TLN2: variants seen among roughly 807,000 people sequenced by gnomAD.
TLN2 encodes the protein talin 2, also known as talin-2.
A neutral mutation model predicts 294.7 loss-of-function variants in TLN2; 118 were observed. The observed-to-expected ratio is 0.40, with a 90% CI of 0.34 to 0.47. TLN2 has a LOEUF of 0.47. Among genes scored for constraint, TLN2 ranks in the 20% least tolerant of loss-of-function variants. The probability of loss-of-function intolerance (pLI) is 0.84; values close to 1 mark genes in which losing one functional copy is unlikely to be tolerated. For missense variants in TLN2, 3,083 were observed against 3,282.2 expected, an observed-to-expected ratio of 0.94 and a Z score of 1.48; for synonymous variants, 1,431 against 1,304.5, an observed-to-expected ratio of 1.10 and a Z score of -2.09.
intron 3 of TLN2, among the ~76,000 whole-genome samples, chr15:62,620,417 C>CT (rs1275981140): frequency 6.6e-6 from 1 of 152,104 alleles, no homozygotes; most frequent in African/African-American, 2.4e-5. Flanking sequence ...CTGCCTACTG[C>CT]TTTTGTTGTT....
intron 1 of TLN2, among the ~76,000 whole-genome samples, chr15:62,530,640 C>T (rs2040994405): frequency 6.6e-6 from 1 of 152,210 alleles, no homozygotes; most frequent in African/African-American, 2.4e-5. Context: ...CAGGCGTGAG[C>T]CACCATGCCC....
chr15:62,822,436 G>T (rs774382238), intron 54 of TLN2, among the ~76,000 whole-genome samples: 2 of 152,224 alleles, frequency 1.3e-5, no homozygotes, highest in Non-Finnish European at 2.9e-5. Flanking sequence ...CAGCTGCCAA[G>T]CCTGTGCCAG....
chr15:62,568,956 T>C (rs557016841), intron 1 of TLN2, among the ~76,000 whole-genome samples: 1 of 152,278 alleles, frequency 6.6e-6, no homozygotes, highest in African/African-American at 2.4e-5. Context: ...TCTCTCCCAG[T>C]TCTGGAAGCC....
At chr15:62,665,639 A>T (rs1012623908) in intron 9 of TLN2, among the ~76,000 whole-genome samples, 11 of 152,192 alleles carry the variant, frequency 7.2e-5, no homozygotes, top group Non-Finnish European at 1.2e-4. Flanking sequence ...AAACAAAGCA[A>T]CCCAGGGTAT....
At chr15:62,394,428 A>G (rs191289604) in intron 1 of TLN2, among the ~76,000 whole-genome samples, 335 of 152,364 alleles carry the variant, frequency 2.2e-3, no homozygotes, top group South Asian at 4.4e-3. Flanking sequence ...GAAGGAAAAC[A>G]TAATAAGCAG....
chr15:62,553,441 C>T (rs908295381), intron 1 of TLN2, among the ~76,000 whole-genome samples: 7 of 151,938 alleles, frequency 4.6e-5, no homozygotes, highest in African/African-American at 9.7e-5. Context: ...GCCGAGATCA[C>T]GCCATTGCAC....
intron 3 of TLN2, among the ~76,000 whole-genome samples, chr15:62,626,408 C>T (rs2049286619): frequency 6.6e-6 from 1 of 152,120 alleles, no homozygotes; most frequent in Admixed American, 6.5e-5. Context: ...TCTCTTGCTC[C>T]CTGGAATATT....
chr15:62,810,051 C>A lies in TLN2; in HGVS notation c.6771+19C>A. 1 of 1,599,878 alleles carries A rather than the reference C, an allele frequency of 6.3e-7. No individual in the cohort carries two copies. Among genetic ancestry groups the A allele is most frequent in the South Asian group, 1.1e-5 (1 of 90,596 alleles). ...CTTGGTGGTAAGAAAGCGCATGAGTCAGGGCTGGGGAGTAGCTGTGTCCCT... is the reference window on the plus strand; with the variant it reads ...CTTGGTGGTAAGAAAGCGCATGAGTAAGGGCTGGGGAGTAGCTGTGTCCCT... On this transcript the variant is annotated intron_variant, in intron 52 of 58. Coordinates refer to ENST00000636159, the MANE Select transcript of TLN2 (RefSeq NM_015059.3).
At chr15:62,751,567 C>T (rs2061940030) in intron 34 of TLN2, among the ~76,000 whole-genome samples, 1 of 152,234 alleles carries the variant, frequency 6.6e-6, no homozygotes, top group Non-Finnish European at 1.5e-5. Flanking sequence ...GGGTTCTAGA[C>T]CTGGCAATAC....
chr15:62,752,498 G>A (rs2140998951), intron 35 of TLN2, 71 bp downstream of exon 35: 4 of 1,567,514 alleles, frequency 2.6e-6, no homozygotes, highest in Non-Finnish European at 3.5e-6. Context: ...GGGAACTCCA[G>A]CTGCACCTCT....
At chr15:62,644,838 A>T in intron 3 of TLN2, 1 of 323,208 alleles carries the variant, frequency 3.1e-6, no homozygotes, top group Non-Finnish European at 6.0e-6. Context: ...CTCTCTCTGC[A>T]TGGTTAGGGG....
chr15:62,695,390 C>T (rs997719728), intron 14 of TLN2, among the ~76,000 whole-genome samples: 1 of 152,060 alleles, frequency 6.6e-6, no homozygotes. Flanking sequence ...TTGATAAGAC[C>T]CCACAGTGAT....
At chr15:62,454,772 C>T (rs1344565019) in intron 1 of TLN2, among the ~76,000 whole-genome samples, 2 of 152,146 alleles carry the variant, frequency 1.3e-5, no homozygotes, top group Non-Finnish European at 2.9e-5. Context: ...GGAACACTGG[C>T]TTCTTTCATT....
Position 62,702,747 on chromosome 15 carries a change from G to T in TLN2, c.1906-19G>T, listed in dbSNP as rs755894551. On this transcript the variant is annotated intron_variant, in intron 18 of 58. Transcript: ENST00000636159. ...GAAATGCGTTTTCTTTCCAATTAAG[G>T]TGTGTTGTTTGTTCACAGCCTCGAC... 14 of 1,612,410 alleles carry T rather than the reference G, an allele frequency of 8.7e-6. No individual in the cohort carries two copies. Among genetic ancestry groups the T allele is most frequent in the Non-Finnish European group, 1.2e-5 (14 of 1,178,602 alleles).
At chr15:62,751,824 A>G (rs1360838624) in intron 34 of TLN2, among the ~76,000 whole-genome samples, 1 of 152,244 alleles carries the variant, frequency 6.6e-6, no homozygotes, top group Non-Finnish European at 1.5e-5. Context: ...CACACCAGTG[A>G]TTTTCAAAAT....
chr15:62,540,711 G>A (rs1482337836), intron 1 of TLN2, among the ~76,000 whole-genome samples: 1 of 152,138 alleles, frequency 6.6e-6, no homozygotes, highest in East Asian at 1.9e-4. Flanking sequence ...AATGCAATGG[G>A]CCTTTCTGCC....
intron 11 of TLN2, among the ~76,000 whole-genome samples, chr15:62,683,429 AT>A (rs2057009572): frequency 3.3e-5 from 5 of 149,388 alleles, no homozygotes; most frequent in African/African-American, 7.4e-5. Flanking sequence ...GAATGCCTGC[AT>A]TCTCCCGCCT....
chr15:62,627,365 G>A (rs1176830469), intron 3 of TLN2, among the ~76,000 whole-genome samples: 1 of 152,216 alleles, frequency 6.6e-6, no homozygotes, highest in Non-Finnish European at 1.5e-5. Context: ...CTGTCTTGCT[G>A]TCTTTGTTGC....
intron 34 of TLN2, among the ~76,000 whole-genome samples, chr15:62,751,259 G>T (rs2061925939): frequency 6.6e-6 from 1 of 152,178 alleles, no homozygotes; most frequent in African/African-American, 2.4e-5. Context: ...TGGATGTCGA[G>T]CTGTTGCAAT....
Sources: allele counts gnomAD v4.1 joint callset (sites outside exome capture counted in the v4.1 genomes callset), GRCh38; gene constraint gnomAD v4.1.1; transcripts MANE v1.5; gene names NCBI Gene and HGNC (gene_info 2026-07-23, HGNC 2026-07-21).